Variants in CMTM8 observed in about 807,000 individuals in gnomAD.
The protein encoded by CMTM8 is CKLF like MARVEL transmembrane domain containing 8.
CMTM8 carries 12 observed loss-of-function variants against 18.6 expected under a neutral mutation model. That is an observed-to-expected ratio of 0.65 (90% confidence interval 0.41 to 1.05). CMTM8 has a LOEUF of 1.05. Ranked by LOEUF, CMTM8 falls within the 50% of genes least tolerant of loss-of-function variation. The pLI is 0.00. For synonymous variants in CMTM8, 87 were observed against 90.6 expected (o/e 0.96, Z 0.23); for missense variants, 217 against 227.2 (o/e 0.95, Z 0.29).
chr3:32,316,381 A>C (rs1378142562), intron 1 of CMTM8, among the ~76,000 whole-genome samples: 1 of 152,110 alleles, frequency 6.6e-6, no homozygotes, highest in East Asian at 1.9e-4. Context: ...GATTTGATGA[A>C]GTTTTGGCCA....
chr3:32,322,297 G>A (rs1490817661), intron 1 of CMTM8, among the ~76,000 whole-genome samples: 1 of 152,164 alleles, frequency 6.6e-6, no homozygotes, highest in African/African-American at 2.4e-5. Flanking sequence ...CCCTGGAGTA[G>A]TCAAGAAGGT....
At chr3:32,359,125 G>A (rs537879533) in intron 2 of CMTM8, among the ~76,000 whole-genome samples, 6 of 152,176 alleles carry the variant, frequency 3.9e-5, no homozygotes, top group Admixed American at 3.3e-4. Flanking sequence ...TCAATTTCTA[G>A]TTATGTTATC....
At position 32,297,268 on chromosome 3, in the gene CMTM8, T is replaced by C. The variant is rs569803648; in HGVS notation, c.147+58149T>C. ...ATCTCGGCTCACTGCAACCTCCACC[T>C]CCTGGGTTCAAGTGATTCTCCTGCC... On this transcript the variant is annotated intron_variant, in intron 1 of 3. Transcript: ENST00000307526. Among the ~76,000 whole-genome samples the C allele has an allele frequency of 4.1e-4, 62 of 152,302 alleles. 1 individual carries two copies. Among genetic ancestry groups the C allele is most frequent in the African/African-American group, 1.4e-3 (60 of 41,582 alleles).
At chr3:32,301,545 G>A (rs1695619105) in intron 1 of CMTM8, among the ~76,000 whole-genome samples, 1 of 152,044 alleles carries the variant, frequency 6.6e-6, no homozygotes, top group African/African-American at 2.4e-5. Flanking sequence ...AAGGGAGAGT[G>A]GTGGATGAAG....
At chr3:32,290,869 T>G (rs1326428440) in intron 1 of CMTM8, among the ~76,000 whole-genome samples, 1 of 152,172 alleles carries the variant, frequency 6.6e-6, no homozygotes, top group African/African-American at 2.4e-5. Flanking sequence ...AGCAAAGGCT[T>G]GTAGCAGCTA....
Position 32,259,231 on chromosome 3 carries a change from T to G in CMTM8, c.147+20112T>G, listed in dbSNP as rs113999644. 1,323 of 572,720 alleles carry G rather than the reference T, an allele frequency of 2.3e-3. 15 individuals carry two copies. Among genetic ancestry groups the G allele is most frequent in the African/African-American group, 0.022 (1,181 of 53,392 alleles). 35.5% of individuals were successfully genotyped at this position (572,720 alleles called of 1,614,324 possible). A position where few individuals can be genotyped will look rare whatever the true frequency, so the allele number is the denominator to read the frequency against. On this transcript the variant is annotated intron_variant, in intron 1 of 3. Coordinates refer to ENST00000307526, the MANE Select transcript of CMTM8 (RefSeq NM_178868.5). ...CAGCCTGAACGACTGCCTGGCCTCC[T>G]ACCTGGACAAAGTGAAGAGCCTGGA...
intron 1 of CMTM8, among the ~76,000 whole-genome samples, chr3:32,353,615 G>A (rs1696754645): frequency 6.6e-6 from 1 of 152,116 alleles, no homozygotes; most frequent in Non-Finnish European, 1.5e-5. Context: ...TGAACAGAGT[G>A]ATCCATATTT....
intron 2 of CMTM8, among the ~76,000 whole-genome samples, chr3:32,366,858 G>T (rs1426040661): frequency 9.6e-6 from 1 of 103,642 alleles, no homozygotes; most frequent in African/African-American, 3.1e-5. Flanking sequence ...CTGACCCTGG[G>T]TCTGACTGTG....
intron 1 of CMTM8, chr3:32,260,228 T>C (rs536141281): frequency 2.1e-5 from 29 of 1,395,422 alleles, no homozygotes; most frequent in Non-Finnish European, 2.7e-5. Context: ...TCTGAGACAT[T>C]AAGCCAGCAG....
chr3:32,246,037 C>T (rs188590401), intron 1 of CMTM8, among the ~76,000 whole-genome samples: 498 of 152,284 alleles, frequency 3.3e-3, no homozygotes, highest in Non-Finnish European at 6.3e-3. Context: ...AGGCTGGCCT[C>T]GAACTCCTGG....
intron 1 of CMTM8, among the ~76,000 whole-genome samples, chr3:32,287,997 A>G (rs1010750380): frequency 6.6e-6 from 1 of 152,242 alleles, no homozygotes. Flanking sequence ...ACAAAATCTT[A>G]ATTCACACGA....
intron 1 of CMTM8, among the ~76,000 whole-genome samples, chr3:32,324,816 C>T (rs889986724): frequency 6.6e-6 from 1 of 152,168 alleles, no homozygotes; most frequent in Non-Finnish European, 1.5e-5. Flanking sequence ...CATAGGAAAA[C>T]AAAGACCCAA....
At chr3:32,244,785 T>C (rs1701989295) in intron 1 of CMTM8, among the ~76,000 whole-genome samples, 1 of 152,214 alleles carries the variant, frequency 6.6e-6, no homozygotes, top group Admixed American at 6.5e-5. Flanking sequence ...TTTGTCTGTC[T>C]TTCCACATTT....
At chr3:32,281,597 TCTCTG>T (rs1702611825) in intron 1 of CMTM8, among the ~76,000 whole-genome samples, 1 of 152,142 alleles carries the variant, frequency 6.6e-6, no homozygotes, top group African/African-American at 2.4e-5. Context: ...TCACCTTTTT[TCTCTG>T]CTCCACCTTG....
At chr3:32,304,838 G>A (rs1695690886) in intron 1 of CMTM8, among the ~76,000 whole-genome samples, 1 of 152,244 alleles carries the variant, frequency 6.6e-6, no homozygotes, top group Non-Finnish European at 1.5e-5. Flanking sequence ...AGCAGCCTAT[G>A]CCATTGACTT....
chr3:32,344,671 G>T (rs952867944), intron 1 of CMTM8, among the ~76,000 whole-genome samples: 1 of 152,148 alleles, frequency 6.6e-6, no homozygotes, highest in African/African-American at 2.4e-5. Flanking sequence ...GAGGCAGTAG[G>T]ATCACTTGAG....
At position 32,271,924 on chromosome 3, in the gene CMTM8, AC is replaced by A. The variant is rs976378250; in HGVS notation, c.147+32806del. Among the ~76,000 whole-genome samples, 22 of 152,320 alleles carry A rather than the reference AC, an allele frequency of 1.4e-4. No homozygotes were observed. In the South Asian group the frequency reaches 4.1e-3, roughly 29 times the overall value. The stretch of plus-strand genomic sequence containing the variant: ...TTTAGTGTTAGCTACTTTTCCACCT[AC>A]AAATTAGGCATTCTAGTTGTTTTAC... On this transcript the variant is annotated intron_variant, in intron 1 of 3. Transcript: ENST00000307526.
At chr3:32,319,159 A>G (rs1695995683) in intron 1 of CMTM8, among the ~76,000 whole-genome samples, 1 of 139,406 alleles carries the variant, frequency 7.2e-6, no homozygotes, top group African/African-American at 2.7e-5. Context: ...GCTCACTGCA[A>G]CCTCTGCCTC....
chr3:32,292,018 T>C (rs997243686), intron 1 of CMTM8, among the ~76,000 whole-genome samples: 2 of 152,254 alleles, frequency 1.3e-5, no homozygotes, highest in Non-Finnish European at 2.9e-5. Context: ...CTACTTGAAC[T>C]CTTCCTACAG....
Sources: gnomAD v4.1 joint callset for allele counts (sites outside exome capture counted in the v4.1 genomes callset) on GRCh38, gnomAD v4.1.1 for gene constraint, MANE v1.5 for transcripts, NCBI Gene and HGNC (gene_info 2026-07-23, HGNC 2026-07-21) for gene names.